The following MARK4 variants were observed in gnomAD, a reference collection of about 807,000 sequenced individuals.
MARK4 encodes the protein MAP/microtubule affinity-regulating kinase 4.
MARK4 carries 19 observed loss-of-function variants against 81.5 expected under a neutral mutation model. The ratio of observed to expected loss-of-function variants is 0.23; its 90% CI spans 0.16 to 0.34. The LOEUF (loss-of-function observed/expected upper bound fraction) is 0.34, where lower values mean the gene tolerates loss of function less well. Ranked by LOEUF, MARK4 falls within the 10% of genes least tolerant of loss-of-function variation. The pLI is 1.00. For synonymous variants in MARK4, 436 were observed against 439.0 expected (o/e 0.99, Z 0.08); for missense variants, 772 against 1,058.8 (o/e 0.73, Z 3.76).
At chr19:45,272,798 G>C (rs1473540217) in intron 8 of MARK4, among the ~76,000 whole-genome samples, 1 of 152,118 alleles carries the variant, frequency 6.6e-6, no homozygotes, top group Non-Finnish European at 1.5e-5. Flanking sequence ...TGAGGCAGGA[G>C]AATCGCTTGA....
At chr19:45,299,939 G>T in intron 16 of MARK4, 84 bp downstream of exon 16, 4 of 1,391,782 alleles carry the variant, frequency 2.9e-6, no homozygotes, top group Non-Finnish European at 3.9e-6. Context: ...GCATTAGATG[G>T]GGCCCCAGTC....
At chr19:45,264,644 C>T (rs1302615006) in intron 4 of MARK4, 40 bp from the exon 5 acceptor site, 1 of 1,599,692 alleles carries the variant, frequency 6.3e-7, no homozygotes, top group African/African-American at 1.3e-5. Flanking sequence ...AGGAGGGGCC[C>T]TTTCTCCCTA....
At chr19:45,255,679 G>A (rs1051281587) in intron 1 of MARK4, among the ~76,000 whole-genome samples, 6 of 151,936 alleles carry the variant, frequency 3.9e-5, no homozygotes, top group African/African-American at 1.5e-4. Flanking sequence ...GCCTCATATT[G>A]CATCAATGAC....
Position 45,271,627 on chromosome 19 carries a change from G to A in MARK4, c.705G>A (p.Pro235=), listed in dbSNP as rs770920328. The change falls in exon 8 of 17, where the codon CCG becomes CCA. Residue 235 remains proline (P), a synonymous_variant. Transcript: ENST00000262891. The surrounding 1 kb of genome is among the most constrained non-coding windows in gnomAD (Gnocchi z 4.1). The part of the protein sequence containing the change: ...ELFQGKKYDG[P]EVDIWSLGVI... ...TTCAGGGCAAGAAGTACGACGGGCC[G>A]GAGGTGGACATCTGGAGCCTGGGAG... 26 of 1,614,084 alleles carry A rather than the reference G, an allele frequency of 1.6e-5. No individual in the cohort carries two copies. The highest frequency in any genetic ancestry group is 1.6e-4 in the Middle Eastern group (1 of 6,084).
At chr19:45,301,879 AAAAG>A (rs1434527508) in intron 16 of MARK4, among the ~76,000 whole-genome samples, 9 of 148,972 alleles carry the variant, frequency 6.0e-5, no homozygotes, top group Non-Finnish European at 1.2e-4. Context: ...AAAAAAAAAA[AAAAG>A]AAAAGGAAAA....
chr19:45,271,424 G>T lies in MARK4; in HGVS notation c.550-48G>T. 2.5e-6 allele frequency: 4 copies of T among 1,582,950 alleles called. No individual in the cohort carries two copies. The highest frequency in any genetic ancestry group is 3.5e-6 in the Non-Finnish European group (4 of 1,157,448). ...TGTCTGCCTCCCACGTCCATGAAAGGCTTTGGCCTTGAGTCCCACTTTCCG... is the reference window on the plus strand; with the variant it reads ...TGTCTGCCTCCCACGTCCATGAAAGTCTTTGGCCTTGAGTCCCACTTTCCG... On this transcript the variant is annotated intron_variant, in intron 7 of 16. Coordinates refer to ENST00000262891, the MANE Select transcript of MARK4 (RefSeq NM_001199867.2). This position sits in a 1 kb window ranked among gnomAD's most constrained non-coding sequence, Gnocchi z 4.1.
intron 8 of MARK4, among the ~76,000 whole-genome samples, chr19:45,275,126 C>A (rs10415463): frequency 1.3e-5 from 2 of 151,952 alleles, no homozygotes; most frequent in Admixed American, 6.6e-5. Flanking sequence ...CCAGGCGTGG[C>A]GGCACGTGCC....
At chr19:45,260,972 CACTT>C in intron 2 of MARK4, among the ~76,000 whole-genome samples, 1 of 152,286 alleles carries the variant, frequency 6.6e-6, no homozygotes, top group African/African-American at 2.4e-5. Context: ...GTCTCTAACT[CACTT>C]AGAGGAAAAG....
At position 45,269,693 on chromosome 19, in the gene MARK4, G is replaced by A. The variant is rs1193772069; in HGVS notation, c.550-1779G>A. On this transcript the variant is annotated intron_variant, in intron 7 of 16. Coordinates refer to ENST00000262891, the MANE Select transcript of MARK4 (RefSeq NM_001199867.2). ...CTTCCTCCGCGCACTGTGGAAACGG[G>A]TGGCCTTGTTTAGATTCTAGTTGTG... Among the ~76,000 whole-genome samples the A allele has an allele frequency of 2.0e-5, 3 of 152,140 alleles. No homozygotes were observed. The East Asian group carries it at 5.8e-4, about 29-fold the overall frequency.
At position 45,278,039 on chromosome 19, in the gene MARK4, C is replaced by G. The variant is rs759050626; in HGVS notation, c.903C>G (p.Leu301=). Reference sequence around the variant, plus strand: ...TGAACCCAGCTAAACGCTGTACTCTCGAGGTGAGCCCAGCCTCACAGCCAG... The same window carrying G: ...TGAACCCAGCTAAACGCTGTACTCTGGAGGTGAGCCCAGCCTCACAGCCAG... ...LVLNPAKRCT[L]EQIMKDKWIN... The change falls in exon 9 of 17, where the codon CTC becomes CTG. Residue 301 remains leucine (L), a synonymous_variant. Coordinates refer to ENST00000262891, the MANE Select transcript of MARK4 (RefSeq NM_001199867.2). 6.2e-7 allele frequency: 1 copy of G among 1,613,508 alleles called. No individual in the cohort carries two copies. The highest frequency in any genetic ancestry group is 8.5e-7 in the Non-Finnish European group (1 of 1,179,928).
intron 8 of MARK4, among the ~76,000 whole-genome samples, chr19:45,277,416 A>T (rs1276199944): frequency 6.6e-6 from 1 of 151,760 alleles, no homozygotes; most frequent in East Asian, 1.9e-4. Flanking sequence ...CTCTGAATGA[A>T]AAGTTATGTA....
intron 8 of MARK4, among the ~76,000 whole-genome samples, chr19:45,273,929 C>T (rs930600272): frequency 2.6e-5 from 4 of 152,236 alleles, no homozygotes; most frequent in Non-Finnish European, 5.9e-5. Flanking sequence ...TCAGTCTCAC[C>T]TGCTGTTCAA....
chr19:45,270,145 CACTG>C (rs1970507005), intron 7 of MARK4, among the ~76,000 whole-genome samples: 1 of 152,084 alleles, frequency 6.6e-6, no homozygotes, highest in Non-Finnish European at 1.5e-5. Context: ...GTTTACTGAT[CACTG>C]ACTGTGCTCT....
At position 45,302,833 on chromosome 19, in the gene MARK4, T is replaced by TG; in HGVS notation, c.*128dup. Reference sequence around the variant, plus strand: ...CACCTCAGTTTCCCTGAATTATATTTGGGGGCAAAGATTGTCCCCTCTGCT... The same window carrying TG: ...CACCTCAGTTTCCCTGAATTATATTTGGGGGGCAAAGATTGTCCCCTCTGCT... On this transcript the variant is annotated 3_prime_UTR_variant, in exon 17 of 17. Coordinates refer to ENST00000262891, the MANE Select transcript of MARK4 (RefSeq NM_001199867.2). The surrounding 1 kb of genome is among the most constrained non-coding windows in gnomAD (Gnocchi z 4.9). 1 of 1,392,106 alleles carries TG rather than the reference T, an allele frequency of 7.2e-7. No homozygotes were observed. Among genetic ancestry groups the TG allele is most frequent in the Non-Finnish European group, 9.6e-7 (1 of 1,045,826 alleles). The allele number at this position is 1,392,106 out of a possible 1,614,324, so 86.2% of individuals were successfully genotyped here.
At chr19:45,281,686 CAA>C (rs1970676659) in intron 12 of MARK4, among the ~76,000 whole-genome samples, 1 of 152,092 alleles carries the variant, frequency 6.6e-6, no homozygotes, top group African/African-American at 2.4e-5. Context: ...GAGACCAGTC[CAA>C]ATGGCAGCTG....
chr19:45,296,612 T>C (rs1970890799), intron 14 of MARK4, among the ~76,000 whole-genome samples: 1 of 152,258 alleles, frequency 6.6e-6, no homozygotes, highest in South Asian at 2.1e-4. Flanking sequence ...TGGGTGGCCA[T>C]GTGCAGTGCT....
At chr19:45,298,298 G>A in intron 15 of MARK4, 1 of 1,474,632 alleles carries the variant, frequency 6.8e-7, no homozygotes. Context: ...TGCGGGCATT[G>A]GGAGGGGGCT....
intron 4 of MARK4, 104 bp downstream of exon 4, chr19:45,263,471 G>A (rs7255933): frequency 0.24 from 341,858 of 1,435,954 alleles, 43,839 homozygotes; most frequent in South Asian, 0.28. Context: ...ACCAGGCGCA[G>A]TGGCTCACTC....
At chr19:45,295,899 G>A (rs1196037809) in intron 14 of MARK4, among the ~76,000 whole-genome samples, 1 of 152,234 alleles carries the variant, frequency 6.6e-6, no homozygotes, top group Non-Finnish European at 1.5e-5. Context: ...TCAGTGACTT[G>A]AGAGTGCTTT....
Sources: allele counts gnomAD v4.1 joint callset (sites outside exome capture counted in the v4.1 genomes callset), GRCh38; gene constraint gnomAD v4.1.1; non-coding constraint Gnocchi (gnomAD v3.1); transcripts MANE v1.5; gene names NCBI Gene and HGNC (gene_info 2026-07-23, HGNC 2026-07-21).